The following PTPRD variants were observed in gnomAD, a reference collection of about 807,000 sequenced individuals.
The protein encoded by PTPRD is protein tyrosine phosphatase receptor type D.
PTPRD carries 34 observed loss-of-function variants against 214.5 expected under a neutral mutation model. That is an observed-to-expected ratio of 0.16 (90% CI 0.12 to 0.21). The LOEUF is 0.21. Ranked by LOEUF, PTPRD falls within the 10% of genes least tolerant of loss-of-function variation. The pLI is 1.00. For missense variants in PTPRD, 2,545 were observed against 2,398.7 expected (o/e 1.06, Z -1.27); for synonymous variants, 1,128 against 845.7 (o/e 1.33, Z -5.79).
intron 11 of PTPRD, among the ~76,000 whole-genome samples, chr9:8,985,200 A>G (rs1239069046): frequency 3.3e-5 from 5 of 152,092 alleles, no homozygotes; most frequent in African/African-American, 9.7e-5. Context: ...TTTTAGGAGA[A>G]CAACTATCTT....
At chr9:9,261,265 T>C (rs1042523707) in intron 9 of PTPRD, among the ~76,000 whole-genome samples, 7 of 151,846 alleles carry the variant, frequency 4.6e-5, no homozygotes, top group African/African-American at 1.7e-4. Flanking sequence ...CTGATGTTTA[T>C]AGGCTTCATT....
At chr9:8,610,201 G>A (rs1450942542) in intron 14 of PTPRD, among the ~76,000 whole-genome samples, 4 of 152,154 alleles carry the variant, frequency 2.6e-5, no homozygotes, top group African/African-American at 2.4e-5. Context: ...CTGAACTGCA[G>A]TGCACCCATC....
chr9:8,376,180 C>G (rs1341037903), intron 38 of PTPRD, 90 bp from the exon 39 acceptor site: 1 of 1,446,336 alleles, frequency 6.9e-7, no homozygotes, highest in Non-Finnish European at 9.4e-7. Context: ...CTAAAATGTG[C>G]TATTTTAATT....
intron 5 of PTPRD, among the ~76,000 whole-genome samples, chr9:9,827,977 T>C (rs77151847): frequency 0.18 from 26,921 of 152,042 alleles, 2,800 homozygotes; most frequent in African/African-American, 0.28. Flanking sequence ...CCAGTTAGAA[T>C]GGCGATCGTT....
intron 3 of PTPRD, among the ~76,000 whole-genome samples, chr9:10,219,127 C>G (rs187426716): frequency 1.0e-3 from 153 of 151,700 alleles, no homozygotes; most frequent in African/African-American, 3.6e-3. Context: ...AAAGGACTGA[C>G]GGGGGATCTG....
chr9:9,983,918 T>C (rs183445847), intron 4 of PTPRD, among the ~76,000 whole-genome samples: 12 of 152,256 alleles, frequency 7.9e-5, no homozygotes, highest in Non-Finnish European at 1.5e-4. Context: ...TTCCCAGCAA[T>C]TACTCTCTAG....
chr9:9,123,383 T>G (rs1452925075), intron 10 of PTPRD, among the ~76,000 whole-genome samples: 1 of 152,170 alleles, frequency 6.6e-6, no homozygotes, highest in East Asian at 1.9e-4. Context: ...AAAAGAGTAT[T>G]TTTAATTTAA....
intron 2 of PTPRD, among the ~76,000 whole-genome samples, chr9:10,436,667 C>T (rs535437587): frequency 6.6e-5 from 10 of 151,702 alleles, no homozygotes; most frequent in African/African-American, 2.4e-4. Context: ...TCTTCTAGTG[C>T]TTGAAATAAG....
At chr9:8,618,084 T>C (rs1000700293) in intron 14 of PTPRD, among the ~76,000 whole-genome samples, 1 of 152,142 alleles carries the variant, frequency 6.6e-6, no homozygotes, top group Admixed American at 6.6e-5. Context: ...TTCTCACTGC[T>C]GCTTTCCGCA....
rs1397665037 is a variant in PTPRD at position 8,870,518 on chromosome 9, C to A, written c.-103-136572G>T. On this transcript the variant is annotated intron_variant, in intron 11 of 45. Transcript: ENST00000381196. Reference sequence around the variant, plus strand: ...TGCTGTTTCTCAAACTTTCCAAATTCTTTTGGTTCACCACCCCAACCTTAG... The same window carrying A: ...TGCTGTTTCTCAAACTTTCCAAATTATTTTGGTTCACCACCCCAACCTTAG... Among the ~76,000 whole-genome samples, 10 of 152,214 alleles carry A rather than the reference C, an allele frequency of 6.6e-5. 1 individual carries two copies. In the South Asian group the frequency reaches 1.9e-3, roughly 28 times the overall value.
intron 11 of PTPRD, among the ~76,000 whole-genome samples, chr9:8,897,327 T>C (rs1464800652): frequency 1.3e-5 from 2 of 152,144 alleles, no homozygotes; most frequent in African/African-American, 4.8e-5. Context: ...ATGTTTTTTT[T>C]TCGTAGCATG....
At chr9:10,327,633 A>AG (rs1298510603) in intron 3 of PTPRD, among the ~76,000 whole-genome samples, 1 of 151,740 alleles carries the variant, frequency 6.6e-6, no homozygotes, top group African/African-American at 2.4e-5. Context: ...TTCTTAGACA[A>AG]GTTTGAAGGA....
chr9:9,886,503 A>T (rs16930504), intron 5 of PTPRD, among the ~76,000 whole-genome samples: 2,299 of 152,176 alleles, frequency 0.015, 57 homozygotes, highest in African/African-American at 0.053. Flanking sequence ...GAGGGATGTA[A>T]ATTGTGGCCA....
chr9:8,775,955 C>T (rs1279900653), intron 11 of PTPRD, among the ~76,000 whole-genome samples: 5 of 152,084 alleles, frequency 3.3e-5, no homozygotes, highest in Non-Finnish European at 7.3e-5. Context: ...GTCCTAACTC[C>T]TAGCAGTAGG....
At chr9:9,410,331 G>A (rs2074982404) in intron 8 of PTPRD, among the ~76,000 whole-genome samples, 1 of 152,082 alleles carries the variant, frequency 6.6e-6, no homozygotes, top group South Asian at 2.1e-4. Flanking sequence ...AGAAATCAAT[G>A]GAAATGTATA....
chr9:10,462,026 G>T (rs1007461360), intron 2 of PTPRD, among the ~76,000 whole-genome samples: 2 of 152,142 alleles, frequency 1.3e-5, no homozygotes, highest in Non-Finnish European at 2.9e-5. Context: ...GCTATGAGGA[G>T]ATGTAGGTCA....
chr9:10,560,714 C>A (rs2063742341), intron 2 of PTPRD, among the ~76,000 whole-genome samples: 1 of 152,004 alleles, frequency 6.6e-6, no homozygotes, highest in East Asian at 1.9e-4. Context: ...AGTGCTGTAC[C>A]AGTCGCAGTA....
Position 10,034,870 on chromosome 9 carries a change from A to G in PTPRD, c.-544-1080T>C, listed in dbSNP as rs534650448. ...TGATTACACGTTTTTGCTATTGTGA[A>G]TAGTGCTGCAGTGAACATACACGTG... is the stretch of plus-strand genomic sequence containing the variant. On this transcript the variant is annotated intron_variant, in intron 3 of 45. Transcript: ENST00000381196. Among the ~76,000 whole-genome samples, 13 of 152,288 alleles carry G rather than the reference A, an allele frequency of 8.5e-5. No homozygotes were observed. The East Asian group carries it at 2.3e-3, about 27-fold the overall frequency.
rs370162397 is a variant in PTPRD, at chr9:8,934,480, TA to T, written c.-104+84216del. Among the ~76,000 whole-genome samples, 23 of 8,080 alleles carry T rather than the reference TA, an allele frequency of 2.8e-3. 5 individuals carry two copies. The highest frequency in any genetic ancestry group is 0.017 in the East Asian group (5 of 286). 5.3% of individuals were successfully genotyped at this position (8,080 alleles called of 152,430 possible). On this transcript the variant is annotated intron_variant, in intron 11 of 45. Transcript: ENST00000381196. ...ATATATATAAATATATATATATAAA[TA>T]TATATATATATAAATATATATATAA...
Sources: gnomAD v4.1 joint callset for allele counts (sites outside exome capture counted in the v4.1 genomes callset) on GRCh38, gnomAD v4.1.1 for gene constraint, MANE v1.5 for transcripts, NCBI Gene and HGNC (gene_info 2026-07-23, HGNC 2026-07-21) for gene names.